Variants in RHOBTB3 observed in about 807,000 individuals in gnomAD.
The protein encoded by RHOBTB3 is Rho related BTB domain containing 3.
Under a neutral mutation model 67.2 loss-of-function variants are expected in RHOBTB3, and 47 were observed. The observed-to-expected ratio is 0.70, with a 90% CI of 0.55 to 0.89. The LOEUF (loss-of-function observed/expected upper bound fraction) is 0.89, where lower values mean the gene tolerates loss of function less well. RHOBTB3 is among the 40% of genes least tolerant of loss of function. RHOBTB3 has a pLI of 0.00. For missense variants in RHOBTB3, 631 were observed against 750.0 expected (o/e 0.84, Z 1.85); for synonymous variants, 273 against 274.2 (o/e 1.00, Z 0.04).
At chr5:95,781,977 G>C (rs1422948135) in intron 9 of RHOBTB3, 1 of 152,182 alleles carries the variant, frequency 6.6e-6, no homozygotes, top group Non-Finnish European at 1.5e-5. Context: ...ACCAGATTTG[G>C]AGTAATAGGA....
At chr5:95,731,056 C>T (rs1755215572), upstream of RHOBTB3, 1 of 1,059,636 alleles carries the variant, frequency 9.4e-7, no homozygotes, top group East Asian at 7.2e-5. Flanking sequence ...TACGGCCTTG[C>T]GAGTTGAACA....
At chr5:95,765,373 C>A (rs1157520158) in intron 7 of RHOBTB3, among the ~76,000 whole-genome samples, 1 of 152,164 alleles carries the variant, frequency 6.6e-6, no homozygotes, top group Non-Finnish European at 1.5e-5. Flanking sequence ...AAAGGGAAGG[C>A]TGGGTGATAC....
chr5:95,767,835 G>A, intron 7 of RHOBTB3: 1 of 706,470 alleles, frequency 1.4e-6, no homozygotes, highest in Non-Finnish European at 2.6e-6. Flanking sequence ...TTACTGCTGT[G>A]AATGCCAAAG....
intron 10 of RHOBTB3, among the ~76,000 whole-genome samples, chr5:95,785,203 T>A (rs549297929): frequency 6.2e-4 from 94 of 152,374 alleles, no homozygotes; most frequent in African/African-American, 2.1e-3. Flanking sequence ...CATCTAGGTC[T>A]TCTCCTACTA....
intron 1 of RHOBTB3, among the ~76,000 whole-genome samples, chr5:95,724,917 G>A (rs1274095114): frequency 1.3e-5 from 2 of 152,110 alleles, no homozygotes; most frequent in Non-Finnish European, 2.9e-5. Context: ...GCTGGGCATG[G>A]TGGCATGCAC....
At chr5:95,778,909 A>G (rs567066208) in intron 8 of RHOBTB3, among the ~76,000 whole-genome samples, 1 of 152,180 alleles carries the variant, frequency 6.6e-6, no homozygotes, top group Non-Finnish European at 1.5e-5. Context: ...TTCCCAAGTT[A>G]CTTCCCTGCT....
Position 95,766,596 on chromosome 5 carries a change from T to TAA in RHOBTB3, c.1162-1434_1162-1433dup, listed in dbSNP as rs534051950. ...TATCCACTGTAAATAGACTAAAATT[T>TAA]AAAAAAAAAAAAAAAAAGAGAAAGA... On this transcript the variant is annotated intron_variant, in intron 7 of 11. Transcript: ENST00000379982. 2.7e-3 allele frequency among the ~76,000 whole-genome samples: 309 copies of TAA among 115,836 alleles called. 1 individual carries two copies. Among genetic ancestry groups the TAA allele is most frequent in the African/African-American group, 7.8e-3 (250 of 32,168 alleles). The allele number at this position is 115,836 out of a possible 152,430, so 76.0% of individuals were successfully genotyped here. A position where few individuals can be genotyped will look rare whatever the true frequency, so the allele number is the denominator to read the frequency against.
At position 95,763,620 on chromosome 5, in the gene RHOBTB3, G is replaced by A. The variant is rs766154904; in HGVS notation, c.1161G>A (p.Lys387=). 9 of 1,547,412 alleles carry A rather than the reference G, an allele frequency of 5.8e-6. No homozygotes were observed. Among genetic ancestry groups the A allele is most frequent in the South Asian group, 1.1e-5 (1 of 89,108 alleles). The change falls in exon 7 of 12, where the codon AAG becomes AAA. Residue 387 remains lysine (K), a splice_region_variant and synonymous_variant. Transcript: ENST00000379982. ...AATGCATTTTAAAAACACCAGGAAA[G>A]GTAAGTTGATTTGTTGTAAGTTAGT... ...KVKCILKTPG[K]INCLRNCKTY... is the part of the protein sequence containing the mutation.
In RHOBTB3 at chr5:95,795,097, C is replaced by T. The variant is rs1746532755; in HGVS notation, c.*1923C>T. On this transcript the variant is annotated 3_prime_UTR_variant, in exon 12 of 12. Coordinates refer to ENST00000379982, the MANE Select transcript of RHOBTB3 (RefSeq NM_014899.4). The stretch of plus-strand genomic sequence containing the variant: ...AGCCTGGGTGACAAGAGCGAAACTC[C>T]ATCTCAAAAAAAAAAAAAAAACCAA... The T allele has an allele frequency of 9.7e-6, 1 of 103,476 alleles. No individual in the cohort carries two copies. Among genetic ancestry groups the T allele is most frequent in the Non-Finnish European group, 1.9e-5 (1 of 52,202 alleles). The allele number at this position is 103,476 out of a possible 1,614,324, so 6.4% of individuals were successfully genotyped here.
chr5:95,773,432 C>T (rs1219354895), intron 8 of RHOBTB3, among the ~76,000 whole-genome samples: 1 of 152,080 alleles, frequency 6.6e-6, no homozygotes, highest in Non-Finnish European at 1.5e-5. Context: ...AGGCAAGGCA[C>T]ACCAGCTCCT....
chr5:95,740,997 A>T (rs1755578750), intron 3 of RHOBTB3, among the ~76,000 whole-genome samples: 1 of 152,196 alleles, frequency 6.6e-6, no homozygotes, highest in Non-Finnish European at 1.5e-5. Flanking sequence ...ATCATCAATC[A>T]AGAAATCTAA....
chr5:95,746,612 T>C (rs1285329480), intron 3 of RHOBTB3, among the ~76,000 whole-genome samples: 1 of 152,214 alleles, frequency 6.6e-6, no homozygotes, highest in Non-Finnish European at 1.5e-5. Context: ...AATCACTGTA[T>C]CTTTGGAATC....
intron 3 of RHOBTB3, among the ~76,000 whole-genome samples, chr5:95,746,650 T>C (rs1744925357): frequency 6.6e-6 from 1 of 152,216 alleles, no homozygotes; most frequent in Non-Finnish European, 1.5e-5. Context: ...ACTATATTTT[T>C]ATTTTTCCTT....
At chr5:95,734,180 A>G (rs760112265) in intron 2 of RHOBTB3, among the ~76,000 whole-genome samples, 8 of 152,226 alleles carry the variant, frequency 5.3e-5, no homozygotes, top group Non-Finnish European at 8.8e-5. Flanking sequence ...TTCACAGGTC[A>G]TTCAAGATTT....
chr5:95,719,765 T>G (rs927736729), intron 1 of RHOBTB3: 5 of 152,208 alleles, frequency 3.3e-5, no homozygotes, highest in African/African-American at 1.2e-4. Context: ...CTTTCCTAAA[T>G]GGCTGAACCT....
intron 8 of RHOBTB3, among the ~76,000 whole-genome samples, chr5:95,776,236 A>C (rs1745875623): frequency 6.6e-6 from 1 of 151,914 alleles, no homozygotes; most frequent in African/African-American, 2.4e-5. Context: ...GTGAAACCCC[A>C]TCCCTATTAA....
rs944175601 is a variant in RHOBTB3, at chr5:95,794,152, T to G, written c.*978T>G. ...CACCTTGGCTGGCAAGGGAGAAATG[T>G]GTTGTGTTGTCTTAGCTTTAAAACA... is the stretch of plus-strand genomic sequence containing the variant. On this transcript the variant is annotated 3_prime_UTR_variant, in exon 12 of 12. Transcript: ENST00000379982. The G allele has an allele frequency of 2.4e-6, 1 of 412,926 alleles. No individual in the cohort carries two copies. The highest frequency in any genetic ancestry group is 2.1e-5 in the African/African-American group (1 of 47,976). 25.6% of individuals were successfully genotyped at this position (412,926 alleles called of 1,614,324 possible). A position where few individuals can be genotyped will look rare whatever the true frequency, so the allele number is the denominator to read the frequency against.
intron 10 of RHOBTB3, among the ~76,000 whole-genome samples, chr5:95,786,275 T>A (rs758144113): frequency 6.6e-6 from 1 of 152,256 alleles, no homozygotes; most frequent in Non-Finnish European, 1.5e-5. Flanking sequence ...TCTCTGACTT[T>A]TAGGAGTGAA....
intron 11 of RHOBTB3, among the ~76,000 whole-genome samples, chr5:95,792,653 G>T (rs1166369763): frequency 4.6e-5 from 7 of 151,502 alleles, no homozygotes; most frequent in African/African-American, 1.7e-4. Flanking sequence ...TTAGCTGGGC[G>T]TGGTGTCACA....
Sources: gnomAD v4.1 joint callset for allele counts (sites outside exome capture counted in the v4.1 genomes callset) on GRCh38, gnomAD v4.1.1 for gene constraint, MANE v1.5 for transcripts, NCBI Gene and HGNC (gene_info 2026-07-23, HGNC 2026-07-21) for gene names.